The following RARA variants were observed in gnomAD, a reference collection of about 807,000 sequenced individuals.
The protein encoded by RARA is retinoic acid receptor alpha.
RARA carries 5 observed loss-of-function variants against 42.8 expected under a neutral mutation model. The observed-to-expected ratio is 0.12, with a 90% CI of 0.06 to 0.25. The LOEUF is 0.25. Ranked by LOEUF, RARA falls within the 10% of genes least tolerant of loss-of-function variation. The pLI is 1.00. For synonymous variants in RARA, 256 were observed against 259.5 expected (o/e 0.99, Z 0.13); for missense variants, 402 against 628.7 (o/e 0.64, Z 3.86).
chr17:40,318,452 A>G (rs920049533), intron 1 of RARA: 5 of 152,420 alleles, frequency 3.3e-5, no homozygotes, highest in Admixed American at 3.3e-4. Flanking sequence ...CTGCGAGGTA[A>G]TTCCTCCCCT....
chr17:40,331,154 G>T lies in RARA; in HGVS notation c.-65G>T. ...CAGGCCCCATGCCCCGAGGAGGGGT[G>T]GTCTGAAGCCCACCAGAGCCCCCTG... On this transcript the variant is annotated 5_prime_UTR_variant, in exon 2 of 9. Transcript: ENST00000254066. 1 of 1,494,784 alleles carries T rather than the reference G, an allele frequency of 6.7e-7. No individual in the cohort carries two copies. Among genetic ancestry groups the T allele is most frequent in the East Asian group, 2.3e-5 (1 of 43,902 alleles). The allele number at this position is 1,494,784 out of a possible 1,614,324, so 92.6% of individuals were successfully genotyped here. A position where few individuals can be genotyped will look rare whatever the true frequency, so the allele number is the denominator to read the frequency against.
rs1403510816 is a variant in RARA, at chr17:40,354,258, G to A, written c.808-44G>A. 6.3e-7 allele frequency: 1 copy of A among 1,586,642 alleles called. No homozygotes were observed. Among genetic ancestry groups the A allele is most frequent in the Admixed American group, 1.7e-5 (1 of 59,314 alleles). Reference sequence around the variant, plus strand: ...AGTGCTGGTGCCGAGTGCTCAGAGTGGGTTCGGGTTCAGTCCCTGAACCCA... The same window carrying A: ...AGTGCTGGTGCCGAGTGCTCAGAGTAGGTTCGGGTTCAGTCCCTGAACCCA... On this transcript the variant is annotated intron_variant, in intron 6 of 8. Transcript: ENST00000254066. The surrounding 1 kb of genome is among the most constrained non-coding windows in gnomAD (Gnocchi z 4.5).
chr17:40,348,220 G>A, intron 2 of RARA, 96 bp from the exon 3 acceptor site: 1 of 1,397,406 alleles, frequency 7.2e-7, no homozygotes, highest in Non-Finnish European at 9.5e-7. Flanking sequence ...GTGAGGCTGG[G>A]AGAGGCTCTT....
intron 3 of RARA, 78 bp from the exon 4 acceptor site, chr17:40,349,706 C>G (rs775232757): frequency 2.5e-5 from 40 of 1,574,712 alleles, no homozygotes; most frequent in Non-Finnish European, 3.5e-5. Flanking sequence ...TGGCCCTCCT[C>G]CCCTAGACTG....
In RARA at chr17:40,351,993, G is replaced by C; in HGVS notation, c.553G>C (p.Gly185Arg). 1 of 1,603,458 alleles carries C rather than the reference G, an allele frequency of 6.2e-7. No individual in the cohort carries two copies. Among genetic ancestry groups the C allele is most frequent in the Non-Finnish European group, 8.5e-7 (1 of 1,176,790 alleles). The change falls in exon 5 of 9, where the codon GGG becomes CGG. Residue 185 changes from glycine (G) to arginine (R), a missense_variant. By Grantham distance (125) the Gly-to-Arg change is moderately radical (BLOSUM62 -2). This residue lies in a region of RARA where 130 missense variants were observed against 267.9 expected (regional missense o/e 0.49). Coordinates refer to ENST00000254066, the MANE Select transcript of RARA (RefSeq NM_000964.4). The surrounding 1 kb of genome is among the most constrained non-coding windows in gnomAD (Gnocchi z 4.1). ...SESYTLTPEV[G>R]ELIEKVRKAH... ...GAGCTACACGCTGACGCCGGAGGTGGGGGAGCTCATTGAGAAGGTGCGCAA... is the reference window on the plus strand; with the variant it reads ...GAGCTACACGCTGACGCCGGAGGTGCGGGAGCTCATTGAGAAGGTGCGCAA...
intron 1 of RARA, among the ~76,000 whole-genome samples, chr17:40,316,149 A>T (rs1336508114): frequency 6.6e-6 from 1 of 152,202 alleles, no homozygotes; most frequent in African/African-American, 2.4e-5. Context: ...GTTTCCCTGG[A>T]CAGGAAGGAA....
intron 1 of RARA, among the ~76,000 whole-genome samples, chr17:40,315,130 GTGTATATATA>G (rs1175722949): frequency 7.4e-4 from 40 of 53,974 alleles, no homozygotes; most frequent in African/African-American, 2.3e-3. Context: ...ATGCTTATAT[GTGTATATATA>G]TATATATATA....
chr17:40,337,415 C>T (rs2143333327), intron 2 of RARA, among the ~76,000 whole-genome samples: 1 of 152,254 alleles, frequency 6.6e-6, no homozygotes, highest in East Asian at 1.9e-4. Flanking sequence ...TGTTTTGGAT[C>T]CTGAAGGCTG....
intron 1 of RARA, chr17:40,318,555 G>T (rs2033269926): frequency 6.6e-6 from 1 of 152,262 alleles, no homozygotes; most frequent in African/African-American, 2.4e-5. Context: ...GTACCGGGAG[G>T]CTTCCGACGG....
At position 40,345,388 on chromosome 17, in the gene RARA, C is replaced by T. The variant is rs2034227290; in HGVS notation, c.179-2928C>T. 6.6e-6 allele frequency: 1 copy of T among 152,500 alleles called. No homozygotes were observed. The highest frequency in any genetic ancestry group is 2.1e-4 in the South Asian group (1 of 4,840). 9.4% of individuals were successfully genotyped at this position (152,500 alleles called of 1,614,324 possible). ...GAGGGGAGCTGCGGAGGAGCGGGCG[C>T]CAGCTGGATTGGGAGGGGAGCCGCT... is the stretch of plus-strand genomic sequence containing the variant. On this transcript the variant is annotated intron_variant, in intron 2 of 8. Coordinates refer to ENST00000254066, the MANE Select transcript of RARA (RefSeq NM_000964.4). This position sits in a 1 kb window ranked among gnomAD's most constrained non-coding sequence, Gnocchi z 4.8.
At position 40,320,083 on chromosome 17, in the gene RARA, A is replaced by G. The variant is rs1389129919; in HGVS notation, c.-362-10774A>G. On this transcript the variant is annotated intron_variant, in intron 1 of 8. Coordinates refer to ENST00000254066, the MANE Select transcript of RARA (RefSeq NM_000964.4). This position sits in a 1 kb window ranked among gnomAD's most constrained non-coding sequence, Gnocchi z 4.1. The stretch of plus-strand genomic sequence containing the variant: ...GGGAGCTGAGGATCTTGGATTTGCA[A>G]GGATTTTGAGGGTGTGATTGAGTGT... Among the ~76,000 whole-genome samples, 1 of 151,992 alleles carries G rather than the reference A, an allele frequency of 6.6e-6. No homozygotes were observed. The highest frequency in any genetic ancestry group is 1.5e-5 in the Non-Finnish European group (1 of 67,972).
chr17:40,355,143 T>C lies in RARA; in HGVS notation c.1013-120T>C. 1 of 1,250,612 alleles carries C rather than the reference T, an allele frequency of 8.0e-7. No homozygotes were observed. Among genetic ancestry groups the C allele is most frequent in the South Asian group, 1.5e-5 (1 of 65,628 alleles). The allele number at this position is 1,250,612 out of a possible 1,614,324, so 77.5% of individuals were successfully genotyped here. ...AGCAGAGACCCCATGCCCTGCCCTG[T>C]GTGGGGAGGCGCCTGCGAGCTGCCC... On this transcript the variant is annotated intron_variant, in intron 7 of 8. Transcript: ENST00000254066. The surrounding 1 kb of genome is among the most constrained non-coding windows in gnomAD (Gnocchi z 4.1).
chr17:40,352,187 C>A lies in RARA; in HGVS notation c.630+117C>A. The stretch of plus-strand genomic sequence containing the variant: ...AAGATCTCTGCGTCCTTCCCTTCCC[C>A]TCTCTTCTCCCTCCTCCTGCTGCCT... On this transcript the variant is annotated intron_variant, in intron 5 of 8. Coordinates refer to ENST00000254066, the MANE Select transcript of RARA (RefSeq NM_000964.4). The surrounding 1 kb of genome is among the most constrained non-coding windows in gnomAD (Gnocchi z 4.9). The A allele has an allele frequency of 6.7e-7, 1 of 1,487,058 alleles. No individual in the cohort carries two copies. The allele number at this position is 1,487,058 out of a possible 1,614,324, so 92.1% of individuals were successfully genotyped here. A position where few individuals can be genotyped will look rare whatever the true frequency, so the allele number is the denominator to read the frequency against.
rs767368613 is a variant in RARA at position 40,352,107 on chromosome 17, CCAGGGCCA to C, written c.630+46_630+53del. The stretch of plus-strand genomic sequence containing the variant: ...CCCCGGCCTGCAGGGTGGGATTTGC[CCAGGGCCA>C]CAGGGCCAGGATGGGCCCCTCTCAG... On this transcript the variant is annotated intron_variant, in intron 5 of 8. Coordinates refer to ENST00000254066, the MANE Select transcript of RARA (RefSeq NM_000964.4). This position sits in a 1 kb window ranked among gnomAD's most constrained non-coding sequence, Gnocchi z 4.9. 47 of 1,516,800 alleles carry C rather than the reference CCAGGGCCA, an allele frequency of 3.1e-5. No homozygotes were observed. In the African/African-American group the frequency reaches 6.3e-4, roughly 20 times the overall value. The allele number at this position is 1,516,800 out of a possible 1,614,324, so 94.0% of individuals were successfully genotyped here.
At position 40,355,098 on chromosome 17, in the gene RARA, G is replaced by A. The variant is rs924423133; in HGVS notation, c.1013-165G>A. Among the ~76,000 whole-genome samples, 2 of 152,168 alleles carry A rather than the reference G, an allele frequency of 1.3e-5. No individual in the cohort carries two copies. The highest frequency in any genetic ancestry group is 6.5e-5 in the Admixed American group (1 of 15,286). ...CTCAGCTCCCGTTGCTCCCTTTTAAGGGCCTCTGTACCCTGCGGCAGCAGA... is the reference window on the plus strand; with the variant it reads ...CTCAGCTCCCGTTGCTCCCTTTTAAAGGCCTCTGTACCCTGCGGCAGCAGA... On this transcript the variant is annotated intron_variant, in intron 7 of 8. Coordinates refer to ENST00000254066, the MANE Select transcript of RARA (RefSeq NM_000964.4). This position sits in a 1 kb window ranked among gnomAD's most constrained non-coding sequence, Gnocchi z 4.1.
In RARA at chr17:40,351,804, A is replaced by C; in HGVS notation, c.470-106A>C. 1 of 1,454,294 alleles carries C rather than the reference A, an allele frequency of 6.9e-7. No individual in the cohort carries two copies. Among genetic ancestry groups the C allele is most frequent in the Non-Finnish European group, 9.2e-7 (1 of 1,082,670 alleles). The allele number at this position is 1,454,294 out of a possible 1,614,324, so 90.1% of individuals were successfully genotyped here. The stretch of plus-strand genomic sequence containing the variant: ...CGCGTGCTGTGTGCGCGTGCTTACA[A>C]GCCTGGGTGACCTCCTCAGCAGCTG... On this transcript the variant is annotated intron_variant, in intron 4 of 8. Transcript: ENST00000254066. This position sits in a 1 kb window ranked among gnomAD's most constrained non-coding sequence, Gnocchi z 4.1.
At chr17:40,341,802 A>G in intron 2 of RARA, 1 of 1,228,846 alleles carries the variant, frequency 8.1e-7, no homozygotes, top group Non-Finnish European at 1.0e-6. Context: ...GGGACTGACC[A>G]AACCTTGGGG....
In RARA at chr17:40,352,934, A is replaced by G. The variant is rs1451168331; in HGVS notation, c.807+427A>G. 6.6e-6 allele frequency among the ~76,000 whole-genome samples: 1 copy of G among 152,016 alleles called. No individual in the cohort carries two copies. The highest frequency in any genetic ancestry group is 1.5e-5 in the Non-Finnish European group (1 of 67,992). On this transcript the variant is annotated intron_variant, in intron 6 of 8. Transcript: ENST00000254066. This position sits in a 1 kb window ranked among gnomAD's most constrained non-coding sequence, Gnocchi z 4.9. ...TTTCTGCAAAAAACTAAAAAGATTC[A>G]CCTAGGATCCTCTGGCCAGTGTTCG...
At chr17:40,341,187 G>A (rs2034021107) in intron 2 of RARA, 1 of 569,636 alleles carries the variant, frequency 1.8e-6, no homozygotes, top group Non-Finnish European at 2.7e-6. Flanking sequence ...GTAGTCCACT[G>A]GAAGGCACCA....
Sources: allele counts gnomAD v4.1 joint callset (sites outside exome capture counted in the v4.1 genomes callset), GRCh38; gene constraint gnomAD v4.1.1; regional missense constraint gnomAD v4.1.1; non-coding constraint Gnocchi (gnomAD v3.1); transcripts MANE v1.5; gene names NCBI Gene and HGNC (gene_info 2026-07-23, HGNC 2026-07-21).